GFRAL: variants seen among roughly 807,000 people sequenced by gnomAD.
GFRAL encodes GDNF family receptor alpha-like.
In GFRAL, 36 loss-of-function variants were observed where a neutral mutation model predicts 45.4. The ratio of observed to expected loss-of-function variants is 0.79; its 90% CI spans 0.61 to 1.05. The LOEUF is 1.05. Ranked by LOEUF, GFRAL falls within the 50% of genes least tolerant of loss-of-function variation. The pLI, the probability that GFRAL is intolerant of heterozygous loss-of-function variation, is 0.00. For synonymous variants in GFRAL, 166 were observed against 154.1 expected, an observed-to-expected ratio of 1.08 and a Z score of -0.57; for missense variants, 507 against 467.5, an observed-to-expected ratio of 1.08 and a Z score of -0.78.
intron 3 of GFRAL, among the ~76,000 whole-genome samples, chr6:55,345,933 T>C (rs1768035356): frequency 6.6e-6 from 1 of 152,138 alleles, no homozygotes; most frequent in Non-Finnish European, 1.5e-5. Flanking sequence ...AACTGACACA[T>C]GAAAAAATGC....
At chr6:55,383,695 C>T (rs576149575) in intron 6 of GFRAL, among the ~76,000 whole-genome samples, 1 of 152,096 alleles carries the variant, frequency 6.6e-6, no homozygotes, top group Admixed American at 6.6e-5. Context: ...CATTAAGCTA[C>T]ACATGATTGT....
intron 6 of GFRAL, among the ~76,000 whole-genome samples, chr6:55,375,349 A>G (rs145306338): frequency 0.015 from 2,319 of 152,194 alleles, 34 homozygotes; most frequent in Non-Finnish European, 0.025. Context: ...TTCCTTTGTT[A>G]GCTGTATTCC....
rs1277676694 is a variant in GFRAL, at chr6:55,351,302, G to A, written c.420G>A (p.Gly140=). Reference sequence around the variant, plus strand: ...TGGAAGTGGCAGAGGCATGTGTAGGGGATGTGGTCTGTAATGCACAGTTGG... The same window carrying A: ...TGGAAGTGGCAGAGGCATGTGTAGGAGATGTGGTCTGTAATGCACAGTTGG... ...SCLEVAEACV[G]DVVCNAQLAS... is the part of the protein sequence containing the mutation. The change falls in exon 5 of 9, where the codon GGG becomes GGA. Residue 140 remains glycine (G), a synonymous_variant. Coordinates refer to ENST00000340465, the MANE Select transcript of GFRAL (RefSeq NM_207410.2). 6.2e-7 allele frequency: 1 copy of A among 1,612,302 alleles called. No individual in the cohort carries two copies. The highest frequency in any genetic ancestry group is 8.5e-7 in the Non-Finnish European group (1 of 1,178,842).
chr6:55,373,749 T>A (rs1174003123), intron 6 of GFRAL, among the ~76,000 whole-genome samples: 2 of 91,670 alleles, frequency 2.2e-5, no homozygotes, highest in Non-Finnish European at 4.1e-5. Context: ...TTTCTTCAAC[T>A]TTTTTTTTTT....
At chr6:55,353,154 C>G (rs1011008525) in intron 5 of GFRAL, among the ~76,000 whole-genome samples, 2 of 151,942 alleles carry the variant, frequency 1.3e-5, no homozygotes, top group Non-Finnish European at 2.9e-5. Flanking sequence ...AGGCCTATAT[C>G]ATATGAGGGC....
In GFRAL at chr6:55,351,379, A is replaced by G. The variant is rs756153654; in HGVS notation, c.497A>G (p.Gln166Arg). Residue 166 changes from glutamine to arginine, a missense_variant, in exon 5 of 9, where the codon CAG becomes CGG. Gln to Arg is a conservative substitution (Grantham distance 43). Coordinates refer to ENST00000340465, the MANE Select transcript of GFRAL (RefSeq NM_207410.2). ...SANGNPCDLK[Q>R]CQAAIRFFYQ... is the part of the protein sequence containing the mutation. ...AATGGAAATCCGTGTGATCTGAAAC[A>G]GTGCCAAGCAGCCATACGGTTCTTC... 2.2e-5 allele frequency: 36 copies of G among 1,613,676 alleles called. No individual in the cohort carries two copies. Among genetic ancestry groups the G allele is most frequent in the Middle Eastern group, 3.3e-4 (2 of 6,058 alleles).
chr6:55,333,799 C>T lies in GFRAL; in HGVS notation c.171C>T (p.Pro57=). 6.3e-7 allele frequency: 1 copy of T among 1,595,668 alleles called. No individual in the cohort carries two copies. Among genetic ancestry groups the T allele is most frequent in the Non-Finnish European group, 8.5e-7 (1 of 1,171,804 alleles). The part of the protein sequence containing the change: ...DACNDSDPGD[P]CKMRNSSYCN... Reference sequence around the variant, plus strand: ...TTTGATTGTGAGATCCAGGTGACCCCTGCAAGATGAGGAATTCATCATACT... The same window carrying T: ...TTTGATTGTGAGATCCAGGTGACCCTTGCAAGATGAGGAATTCATCATACT... Residue 57 remains proline, a synonymous_variant, in exon 3 of 9, where the codon CCC becomes CCT. Coordinates refer to ENST00000340465, the MANE Select transcript of GFRAL (RefSeq NM_207410.2).
chr6:55,389,557 C>T (rs1190692376), intron 6 of GFRAL, among the ~76,000 whole-genome samples: 2 of 151,530 alleles, frequency 1.3e-5, no homozygotes, highest in Non-Finnish European at 2.9e-5. Context: ...CACAAAAAAA[C>T]AGTAAATATT....
At chr6:55,342,797 A>G (rs1380243833) in intron 3 of GFRAL, among the ~76,000 whole-genome samples, 1 of 152,170 alleles carries the variant, frequency 6.6e-6, no homozygotes, top group Non-Finnish European at 1.5e-5. Context: ...ACGTGCAGAG[A>G]CACACATAGG....
intron 6 of GFRAL, among the ~76,000 whole-genome samples, chr6:55,376,080 T>C (rs1169645501): frequency 6.6e-6 from 1 of 152,166 alleles, no homozygotes; most frequent in Non-Finnish European, 1.5e-5. Flanking sequence ...GATGTTGCAT[T>C]TTATCAAAGG....
chr6:55,330,448 T>C (rs1219625400), intron 1 of GFRAL, among the ~76,000 whole-genome samples: 1 of 151,966 alleles, frequency 6.6e-6, no homozygotes, highest in African/African-American at 2.4e-5. Context: ...TTCTAGTAAA[T>C]GGATGGAAGA....
chr6:55,369,513 A>G (rs978177884), intron 6 of GFRAL, among the ~76,000 whole-genome samples: 1 of 152,204 alleles, frequency 6.6e-6, no homozygotes, highest in Non-Finnish European at 1.5e-5. Flanking sequence ...TAGTAGAGCT[A>G]TATCATAATT....
chr6:55,368,375 C>T (rs9475269), intron 6 of GFRAL, among the ~76,000 whole-genome samples: 16,744 of 150,440 alleles, frequency 0.11, 988 homozygotes, highest in African/African-American at 0.16. Context: ...AACTTCTTTG[C>T]CTTTGGTTTG....
At chr6:55,339,534 G>T (rs1013666121) in intron 3 of GFRAL, among the ~76,000 whole-genome samples, 2 of 151,982 alleles carry the variant, frequency 1.3e-5, no homozygotes, top group Non-Finnish European at 2.9e-5. Context: ...ATTTTCAGAA[G>T]AATTTTATGA....
chr6:55,369,143 G>T (rs963255302), intron 6 of GFRAL, among the ~76,000 whole-genome samples: 11 of 151,716 alleles, frequency 7.3e-5, no homozygotes, highest in African/African-American at 2.7e-4. Flanking sequence ...AGAATCTCAT[G>T]GTGCGCCGTT....
At chr6:55,374,737 T>G (rs1768501129) in intron 6 of GFRAL, among the ~76,000 whole-genome samples, 1 of 152,166 alleles carries the variant, frequency 6.6e-6, no homozygotes, top group Admixed American at 6.5e-5. Flanking sequence ...TAGATTTTCT[T>G]CTAGGATTTT....
intron 2 of GFRAL, 100 bp from the exon 3 acceptor site, chr6:55,333,686 A>T: frequency 1.6e-6 from 1 of 641,428 alleles, no homozygotes; most frequent in Non-Finnish European, 2.4e-6. Context: ...TTACCATATT[A>T]ATTAATTATT....
chr6:55,375,754 CT>C (rs968989982), intron 6 of GFRAL, among the ~76,000 whole-genome samples: 1 of 151,998 alleles, frequency 6.6e-6, no homozygotes, highest in African/African-American at 2.4e-5. Flanking sequence ...GCTTAAGATG[CT>C]TTTGGGCTAA....
chr6:55,353,290 T>C (rs1016468391), intron 5 of GFRAL, among the ~76,000 whole-genome samples: 2 of 152,080 alleles, frequency 1.3e-5, no homozygotes, highest in Non-Finnish European at 2.9e-5. Context: ...TCCTGAAGGT[T>C]CTTAGTAAAA....
Sources: gnomAD v4.1 joint callset for allele counts (sites outside exome capture counted in the v4.1 genomes callset) on GRCh38, gnomAD v4.1.1 for gene constraint, MANE v1.5 for transcripts, NCBI Gene and HGNC (gene_info 2026-07-23, HGNC 2026-07-21) for gene names.